ANKFY1: variants seen among roughly 807,000 people sequenced by gnomAD.
The protein encoded by ANKFY1 is ankyrin repeat and FYVE domain containing 1, also known as ankyrin repeat and FYVE domain-containing protein 1.
In ANKFY1, 47 loss-of-function variants were observed where a neutral mutation model predicts 128.3. That is an observed-to-expected ratio of 0.37 (90% CI 0.29 to 0.47). The LOEUF is 0.47. Ranked by LOEUF, ANKFY1 falls within the 20% of genes least tolerant of loss-of-function variation. The pLI, the probability that ANKFY1 is intolerant of heterozygous loss-of-function variation, is 1.00. For synonymous variants in ANKFY1, 553 were observed against 601.6 expected (o/e 0.92, Z 1.18); for missense variants, 1,222 against 1,510.6 (o/e 0.81, Z 3.17).
chr17:4,207,941 C>A lies in ANKFY1; in HGVS notation c.724G>T (p.Asp242Tyr). Residue 242 changes from aspartate to tyrosine, a missense_variant, in exon 6 of 25, where the codon GAT (aspartate) becomes TAT (tyrosine). By Grantham distance (160) the Asp-to-Tyr change is radical. Coordinates refer to ENST00000341657, the MANE Select transcript of ANKFY1 (RefSeq NM_001330063.2). Reference protein sequence around the residue: ...DVVFLYLIEMDSQLPGKLNEA... With the variant: ...DVVFLYLIEMYSQLPGKLNEA... Reference sequence around the variant, plus strand: ...AAAGGCAGCTACAGTACCTGGGAATCCATTTCAATCAGATACAGGAAGACC... The same window carrying A: ...AAAGGCAGCTACAGTACCTGGGAATACATTTCAATCAGATACAGGAAGACC... 1 of 1,589,652 alleles carries A rather than the reference C, an allele frequency of 6.3e-7. No individual in the cohort carries two copies. Among genetic ancestry groups the A allele is most frequent in the Non-Finnish European group, 8.5e-7 (1 of 1,170,614 alleles).
intron 3 of ANKFY1, among the ~76,000 whole-genome samples, chr17:4,232,892 G>A (rs1185860339): frequency 1.3e-5 from 2 of 151,844 alleles, no homozygotes; most frequent in East Asian, 1.9e-4. Flanking sequence ...TTTCGTTTTT[G>A]CCACTCTCAT....
chr17:4,185,870 C>G (rs1276344112), intron 11 of ANKFY1, among the ~76,000 whole-genome samples: 1 of 152,204 alleles, frequency 6.6e-6, no homozygotes, highest in African/African-American at 2.4e-5. Context: ...TAAGCCCCGG[C>G]AATCGGCAGC....
At chr17:4,222,200 C>G (rs1368896787) in intron 3 of ANKFY1, 6 of 164,130 alleles carry the variant, frequency 3.7e-5, no homozygotes, top group African/African-American at 1.5e-4. Context: ...CTGCTGCCCG[C>G]GCCTGGCGCC....
chr17:4,202,465 G>A (rs1488419292), intron 7 of ANKFY1, among the ~76,000 whole-genome samples: 5 of 151,172 alleles, frequency 3.3e-5, no homozygotes, highest in African/African-American at 7.3e-5. Flanking sequence ...TTGGGAGGCC[G>A]AGACGGGCGG....
At chr17:4,192,938 A>G (rs12950952) in intron 10 of ANKFY1, among the ~76,000 whole-genome samples, 1 of 152,028 alleles carries the variant, frequency 6.6e-6, no homozygotes, top group Non-Finnish European at 1.5e-5. Context: ...AAAATGAAAT[A>G]TATCAATAGA....
At chr17:4,219,071 T>A (rs2060267775) in intron 3 of ANKFY1, among the ~76,000 whole-genome samples, 1 of 152,206 alleles carries the variant, frequency 6.6e-6, no homozygotes, top group African/African-American at 2.4e-5. Context: ...AGGTGGAATT[T>A]ATAACTAATT....
chr17:4,240,402 A>T (rs12945450), intron 2 of ANKFY1, among the ~76,000 whole-genome samples: 129,854 of 149,400 alleles, frequency 0.87, 57,302 homozygotes, highest in South Asian at 0.96. Context: ...TTATTTATTT[A>T]TTTTTTTAAG....
At chr17:4,228,611 T>G (rs1470359970) in intron 3 of ANKFY1, among the ~76,000 whole-genome samples, 4 of 152,126 alleles carry the variant, frequency 2.6e-5, no homozygotes, top group African/African-American at 9.7e-5. Context: ...GAGATGGGGT[T>G]TCGCCATGTT....
In ANKFY1 at chr17:4,169,118, C is replaced by T. The variant is rs78440489; in HGVS notation, c.3377+80G>A. The T allele has an allele frequency of 2.4e-5, 32 of 1,352,876 alleles. No individual in the cohort carries two copies. In the East Asian group the frequency reaches 3.8e-4, roughly 16 times the overall value. 83.8% of individuals were successfully genotyped at this position (1,352,876 alleles called of 1,614,324 possible). A position where few individuals can be genotyped will look rare whatever the true frequency, so the allele number is the denominator to read the frequency against. ...AATGTGCAGGACCCAGGCAAGTTCA[C>T]GGCCTGTCCTGGAGAAGGGGGGAAG... is the stretch of plus-strand genomic sequence containing the variant. On this transcript the variant is annotated intron_variant, in intron 24 of 24. Coordinates refer to ENST00000341657, the MANE Select transcript of ANKFY1 (RefSeq NM_001330063.2). The surrounding 1 kb of genome is among the most constrained non-coding windows in gnomAD (Gnocchi z 5.0).
At chr17:4,187,230 C>A (rs765742868) in intron 11 of ANKFY1, 1 of 400,892 alleles carries the variant, frequency 2.5e-6, no homozygotes, top group Non-Finnish European at 4.4e-6. Flanking sequence ...CTCTTGCCCT[C>A]GCTTCTGGGA....
intron 6 of ANKFY1, 48 bp downstream of exon 6, chr17:4,207,885 T>G: frequency 6.6e-7 from 1 of 1,516,706 alleles, no homozygotes; most frequent in Non-Finnish European, 8.8e-7. Flanking sequence ...GAAAGACAAG[T>G]GCATTAGAGT....
At chr17:4,211,474 CA>C (rs2060129710) in intron 4 of ANKFY1, among the ~76,000 whole-genome samples, 1 of 151,454 alleles carries the variant, frequency 6.6e-6, no homozygotes, top group African/African-American at 2.4e-5. Flanking sequence ...TCTACTGTAA[CA>C]ACAAAACCAC....
At chr17:4,196,036 A>AC (rs1259296783) in intron 8 of ANKFY1, among the ~76,000 whole-genome samples, 585 of 5,886 alleles carry the variant, frequency 0.099, 68 homozygotes, top group Non-Finnish European at 0.13. Context: ...CACCCCCCCC[A>AC]CCACCCCCCA....
rs534873529 is a variant in ANKFY1, at chr17:4,193,363, C to T, written c.1372+1615G>A. Among the ~76,000 whole-genome samples, 11 of 151,626 alleles carry T rather than the reference C, an allele frequency of 7.3e-5. No individual in the cohort carries two copies. In the East Asian group the frequency reaches 1.5e-3, roughly 21 times the overall value. Reference sequence around the variant, plus strand: ...CTCCAACTCCTGGCCTCAAGCAATCCTCCCACATCAGCCTCCTGAGTAGCT... The same window carrying T: ...CTCCAACTCCTGGCCTCAAGCAATCTTCCCACATCAGCCTCCTGAGTAGCT... On this transcript the variant is annotated intron_variant, in intron 10 of 24. Coordinates refer to ENST00000341657, the MANE Select transcript of ANKFY1 (RefSeq NM_001330063.2).
rs145627886 is a variant in ANKFY1, at chr17:4,173,013, C to T, written c.3015-333G>A. Among the ~76,000 whole-genome samples, 414 of 152,320 alleles carry T rather than the reference C, an allele frequency of 2.7e-3. 6 individuals carry two copies. Among genetic ancestry groups the T allele is most frequent in the Admixed American group, 0.021 (328 of 15,304 alleles). ...CTGGGACTACAGGCGCCCGCCACCA[C>T]GCCCAGATAATTTTTTGTATTTTTA... On this transcript the variant is annotated intron_variant, in intron 21 of 24. Transcript: ENST00000341657.
intron 18 of ANKFY1, chr17:4,177,760 G>GGGTC (rs1374153262): frequency 6.5e-6 from 1 of 154,794 alleles, no homozygotes; most frequent in East Asian, 1.9e-4. Flanking sequence ...GTCAAACAAA[G>GGGTC]GGTTGAGAAA....
intron 3 of ANKFY1, chr17:4,222,436 G>A: frequency 1.2e-6 from 1 of 803,314 alleles, no homozygotes; most frequent in Non-Finnish European, 2.3e-6. Flanking sequence ...GTCCAAGGTT[G>A]AATGTAAGCT....
intron 11 of ANKFY1, chr17:4,188,989 T>TA (rs556846553): frequency 3.9e-4 from 68 of 175,190 alleles, no homozygotes; most frequent in African/African-American, 1.6e-3. Flanking sequence ...TCCACCTTGT[T>TA]AGCGTGCGAC....
intron 11 of ANKFY1, among the ~76,000 whole-genome samples, chr17:4,185,330 T>G (rs1341292701): frequency 1.3e-5 from 2 of 152,082 alleles, no homozygotes; most frequent in Non-Finnish European, 2.9e-5. Flanking sequence ...CTCAGCCTCC[T>G]GAGTAGCTGG....
Sources: allele counts gnomAD v4.1 joint callset (sites outside exome capture counted in the v4.1 genomes callset), GRCh38; gene constraint gnomAD v4.1.1; non-coding constraint Gnocchi (gnomAD v3.1); transcripts MANE v1.5; gene names NCBI Gene and HGNC (gene_info 2026-07-23, HGNC 2026-07-21).